Variants in CTSD observed in about 807,000 individuals in gnomAD.
CTSD encodes the protein cathepsin D.
In CTSD, 28 loss-of-function variants were observed where a neutral mutation model predicts 43.6. The observed-to-expected ratio is 0.64, with a 90% CI of 0.48 to 0.88. The LOEUF (loss-of-function observed/expected upper bound fraction) is 0.88. CTSD is among the 40% of genes least tolerant of loss of function. CTSD has a pLI of 0.00. For synonymous variants in CTSD, 270 were observed against 249.8 expected (o/e 1.08, Z -0.76); for missense variants, 485 against 555.2 (o/e 0.87, Z 1.27).
chr11:1,754,250 G>C, intron 6 of CTSD, 112 bp from the exon 7 acceptor site: 1 of 1,309,566 alleles, frequency 7.6e-7, no homozygotes, highest in East Asian at 2.5e-5. Context: ...CCTCCCCTCA[G>C]GGCTCCTGGA....
At chr11:1,759,843 C>A (rs1355313851) in intron 2 of CTSD, among the ~76,000 whole-genome samples, 1 of 152,238 alleles carries the variant, frequency 6.6e-6, no homozygotes, top group Non-Finnish European at 1.5e-5. Flanking sequence ...GTCCTAATGC[C>A]CACGGGTACT....
At position 1,762,850 on chromosome 11, in the gene CTSD, A is replaced by T. The variant is rs959907895; in HGVS notation, c.68+942T>A. On this transcript the variant is annotated intron_variant, in intron 1 of 8. Coordinates refer to ENST00000236671, the MANE Select transcript of CTSD (RefSeq NM_001909.5). ...TACCCGCCCCCGGGCCATTCCCCAC[A>T]GCCTTTGGTGAGGCTCAGTCCTACC... Among the ~76,000 whole-genome samples, 5 of 152,302 alleles carry T rather than the reference A, an allele frequency of 3.3e-5. No homozygotes were observed. The East Asian group carries it at 7.7e-4, about 24-fold the overall frequency.
At chr11:1,761,649 C>G in intron 1 of CTSD, 181 bp from the exon 2 acceptor site, 1 of 697,798 alleles carries the variant, frequency 1.4e-6, no homozygotes. Context: ...GAATGGCAAC[C>G]CATTGCCCCC....
chr11:1,757,116 G>A (rs556340355), intron 5 of CTSD, among the ~76,000 whole-genome samples: 16 of 152,204 alleles, frequency 1.1e-4, no homozygotes, highest in Non-Finnish European at 2.1e-4. Flanking sequence ...GGGAGACCCC[G>A]GCCAAACAGC....
chr11:1,759,182 AC>A, intron 3 of CTSD, 95 bp from the exon 4 acceptor site: 4 of 1,045,132 alleles, frequency 3.8e-6, no homozygotes, highest in Admixed American at 1.7e-5. Flanking sequence ...TGGAGCCCGC[AC>A]CCCCCAAGCT....
chr11:1,761,083 C>A (rs1845869999), intron 2 of CTSD: 2 of 575,884 alleles, frequency 3.5e-6, no homozygotes, highest in Non-Finnish European at 3.1e-6. Flanking sequence ...CTCCCAATCA[C>A]CCTCCCAGGC....
intron 6 of CTSD, 83 bp downstream of exon 6, chr11:1,754,823 C>T: frequency 6.3e-7 from 1 of 1,594,012 alleles, no homozygotes; most frequent in Non-Finnish European, 8.6e-7. Context: ...CAACCCCCAC[C>T]TGCAGAACCG....
chr11:1,761,354 G>C lies in CTSD; in HGVS notation c.183C>G (p.Ala61=). ...CCTCGGGAATGGGCCCCTCGGTCAC[G>C]GCTGGCACCGCCTGGGAGTACTTTG... The part of the protein sequence containing the change: ...PVSKYSQAVP[A]VTEGPIPEVL... Residue 61 remains alanine, a synonymous_variant, in exon 2 of 9, where the codon GCC becomes GCG. Coordinates refer to ENST00000236671, the MANE Select transcript of CTSD (RefSeq NM_001909.5). The C allele has an allele frequency of 6.2e-7, 1 of 1,613,826 alleles. No individual in the cohort carries two copies. The highest frequency in any genetic ancestry group is 8.5e-7 in the Non-Finnish European group (1 of 1,180,000).
chr11:1,757,570 CAG>C lies in CTSD; in HGVS notation c.472-16_472-15del, dbSNP rs1482254716. ...CTGGCAGGGCACCTGCAGGCCAGGGCAGAGTCAGTGGGCAGCAGACAGGCTGA... is the reference window on the plus strand; with the variant it reads ...CTGGCAGGGCACCTGCAGGCCAGGGCAGTCAGTGGGCAGCAGACAGGCTGA... On this transcript the variant is annotated splice_polypyrimidine_tract_variant and intron_variant, in intron 4 of 8. Transcript: ENST00000236671. 21 of 1,598,564 alleles carry C rather than the reference CAG, an allele frequency of 1.3e-5. No homozygotes were observed. The highest frequency in any genetic ancestry group is 1.4e-5 in the Non-Finnish European group (17 of 1,174,818).
At position 1,763,859 on chromosome 11, in the gene CTSD, T is replaced by TGGC. The variant is rs886043526; in HGVS notation, c.-3_-1dup. 22 of 1,523,788 alleles carry TGGC rather than the reference T, an allele frequency of 1.4e-5. No homozygotes were observed. The highest frequency in any genetic ancestry group is 1.8e-5 in the Non-Finnish European group (20 of 1,141,078). 94.4% of individuals were successfully genotyped at this position (1,523,788 alleles called of 1,614,324 possible). A position where few individuals can be genotyped will look rare whatever the true frequency, so the allele number is the denominator to read the frequency against. On this transcript the variant is annotated 5_prime_UTR_variant, in exon 1 of 9. Coordinates refer to ENST00000236671, the MANE Select transcript of CTSD (RefSeq NM_001909.5). Reference sequence around the variant, plus strand: ...AGCGGCAGAAGGCTGGAGGGCTGCATGGCGGCGGCGGCCGGGTCGGAGAGG... The same window carrying TGGC: ...AGCGGCAGAAGGCTGGAGGGCTGCATGGCGGCGGCGGCGGCCGGGTCGGAGAGG...
At chr11:1,760,030 C>G (rs966343679) in intron 2 of CTSD, among the ~76,000 whole-genome samples, 2 of 152,202 alleles carry the variant, frequency 1.3e-5, no homozygotes, top group African/African-American at 2.4e-5. Context: ...CCTGGTGGCC[C>G]GCAGTCCAAG....
chr11:1,753,958 C>CCAGCCG (rs1845761960), intron 7 of CTSD, 36 bp downstream of exon 7: 1 of 1,594,768 alleles, frequency 6.3e-7, no homozygotes, highest in Non-Finnish European at 8.6e-7. Flanking sequence ...GCTCCCCCTG[C>CCAGCCG]CAGCCCCAGC....
In CTSD at chr11:1,754,054, C is replaced by A. The variant is rs140238987; in HGVS notation, c.912G>T (p.Pro304=). Residue 304 remains proline (P), a synonymous_variant, in exon 7 of 9, where the codon CCG becomes CCT. Coordinates refer to ENST00000236671, the MANE Select transcript of CTSD (RefSeq NM_001909.5). ...TCTGCAGCTCGCGCACCTCATCCAC[C>A]GGGCCCACCATGAGGGAAGTGCCTG... ...VDTGTSLMVG[P]VDEVRELQKA... 2 of 1,611,180 alleles carry A rather than the reference C, an allele frequency of 1.2e-6. No homozygotes were observed. Among genetic ancestry groups the A allele is most frequent in the South Asian group, 2.2e-5 (2 of 90,970 alleles).
At position 1,753,394 on chromosome 11, in the gene CTSD, CAGTGGGCGGGCG is replaced by C. The variant is rs1845751402; in HGVS notation, c.*97_*108del. ...CCGCCGGCTTCCAGGGCGCCCAGGA[CAGTGGGCGGGCG>C]AGTGTGTGGGTGTGTGTGGGAGGGG... On this transcript the variant is annotated 3_prime_UTR_variant, in exon 9 of 9. Coordinates refer to ENST00000236671, the MANE Select transcript of CTSD (RefSeq NM_001909.5). The C allele has an allele frequency of 2.6e-5, 35 of 1,368,744 alleles. No homozygotes were observed. The highest frequency in any genetic ancestry group is 3.6e-5 in the Non-Finnish European group (35 of 962,740). 84.8% of individuals were successfully genotyped at this position (1,368,744 alleles called of 1,614,324 possible).
chr11:1,759,580 G>A lies in CTSD; in HGVS notation c.288C>T (p.Phe96=), dbSNP rs778220078. 47 of 1,613,466 alleles carry A rather than the reference G, an allele frequency of 2.9e-5. No individual in the cohort carries two copies. The highest frequency in any genetic ancestry group is 6.7e-5 in the Admixed American group (4 of 60,008). Reference sequence around the variant, plus strand: ...CCCACAGGTTGGAGGAGCCCGTGTCGAAGACGACTGTGAAGCACTGGGGGG... The same window carrying A: ...CCCACAGGTTGGAGGAGCCCGTGTCAAAGACGACTGTGAAGCACTGGGGGG... ...GTPPQCFTVV[F]DTGSSNLWVP... Residue 96 remains phenylalanine, a synonymous_variant, in exon 3 of 9, where the codon TTC becomes TTT. Coordinates refer to ENST00000236671, the MANE Select transcript of CTSD (RefSeq NM_001909.5).
intron 4 of CTSD, 104 bp from the exon 5 acceptor site, chr11:1,757,660 C>T: frequency 1.1e-6 from 1 of 936,806 alleles, no homozygotes; most frequent in Non-Finnish European, 1.7e-6. Flanking sequence ...CCATCCCACA[C>T]ACGATGGGGC....
chr11:1,754,403 GA>G, intron 6 of CTSD: 3 of 547,140 alleles, frequency 5.5e-6, no homozygotes, highest in Non-Finnish European at 9.8e-6. Flanking sequence ...GGAGGGGATG[GA>G]GGGGATGAAG....
Position 1,754,892 on chromosome 11 carries a change from C to T in CTSD, c.827+14G>A, listed in dbSNP as rs952272760. 1.7e-5 allele frequency: 28 copies of T among 1,613,476 alleles called. No individual in the cohort carries two copies. The highest frequency in any genetic ancestry group is 2.2e-5 in the Non-Finnish European group (26 of 1,179,858). ...CCACAGAACCCAGGGGAGCCGACTG[C>T]AGCCACTACTCACTGGTCCAGGTGG... On this transcript the variant is annotated intron_variant, in intron 6 of 8. Coordinates refer to ENST00000236671, the MANE Select transcript of CTSD (RefSeq NM_001909.5).
intron 2 of CTSD, among the ~76,000 whole-genome samples, chr11:1,760,184 G>C (rs940921609): frequency 1.3e-5 from 2 of 152,250 alleles, no homozygotes; most frequent in African/African-American, 4.8e-5. Context: ...GTCAAGGGGA[G>C]AAGGTAAGCC....
Sources: allele counts gnomAD v4.1 joint callset (sites outside exome capture counted in the v4.1 genomes callset), GRCh38; gene constraint gnomAD v4.1.1; transcripts MANE v1.5; gene names NCBI Gene and HGNC (gene_info 2026-07-23, HGNC 2026-07-21).